PCNX2: variants seen among roughly 807,000 people sequenced by gnomAD.
PCNX2 encodes the protein pecanex-like protein 2.
In PCNX2, 168 loss-of-function variants were observed where a neutral mutation model predicts 223.8. The observed-to-expected ratio is 0.75, with a 90% confidence interval of 0.66 to 0.85. The LOEUF is 0.85. Ranked by LOEUF, PCNX2 falls within the 40% of genes least tolerant of loss-of-function variation. PCNX2 has a pLI of 0.00. For missense variants in PCNX2, 2,507 were observed against 2,675.5 expected (o/e 0.94, Z 1.39); for synonymous variants, 1,006 against 1,052.6 (o/e 0.96, Z 0.86).
At chr1:233,068,696 T>C (rs1207112920) in intron 23 of PCNX2, among the ~76,000 whole-genome samples, 1 of 151,852 alleles carries the variant, frequency 6.6e-6, no homozygotes, top group African/African-American at 2.4e-5. Context: ...GAGCAAACAC[T>C]AAAAGATACA....
chr1:233,177,969 C>T lies in PCNX2; in HGVS notation c.3177-71G>A, dbSNP rs1341311262. The T allele has an allele frequency of 3.3e-6, 4 of 1,222,650 alleles. No homozygotes were observed. In the East Asian group the frequency reaches 7.1e-5, roughly 22 times the overall value. The allele number at this position is 1,222,650 out of a possible 1,614,324, so 75.7% of individuals were successfully genotyped here. ...CAGTGTTTTCGGTAAATAACTTCAC[C>T]TTAGATCTCACACCCACACATGACA... On this transcript the variant is annotated intron_variant, in intron 16 of 33. Transcript: ENST00000258229.
At chr1:233,093,994 C>T (rs1558224371) in intron 22 of PCNX2, among the ~76,000 whole-genome samples, 2 of 152,188 alleles carry the variant, frequency 1.3e-5, no homozygotes, top group African/African-American at 4.8e-5. Context: ...ACCATGTGCT[C>T]ATGTGTGAAC....
At chr1:233,005,552 T>G (rs989316469) in intron 28 of PCNX2, among the ~76,000 whole-genome samples, 12 of 152,196 alleles carry the variant, frequency 7.9e-5, no homozygotes, top group African/African-American at 2.9e-4. Context: ...GAAATGATTC[T>G]CAATGTAGAA....
chr1:233,203,324 A>G (rs980500220), intron 13 of PCNX2, among the ~76,000 whole-genome samples: 1 of 152,216 alleles, frequency 6.6e-6, no homozygotes, highest in Non-Finnish European at 1.5e-5. Flanking sequence ...GTTTTTGCTC[A>G]AGGAAAGTAA....
intron 23 of PCNX2, among the ~76,000 whole-genome samples, chr1:233,063,167 G>C (rs1558196549): frequency 6.6e-6 from 1 of 152,144 alleles, no homozygotes; most frequent in Non-Finnish European, 1.5e-5. Flanking sequence ...AACCTGGGAG[G>C]CGAGGCTGCA....
chr1:233,122,291 A>C (rs1675848773), intron 21 of PCNX2, among the ~76,000 whole-genome samples: 1 of 152,210 alleles, frequency 6.6e-6, no homozygotes, highest in Admixed American at 6.5e-5. Context: ...GAATAAAGAG[A>C]CAAATCTCCC....
At chr1:233,141,746 T>C (rs546777009) in intron 19 of PCNX2, among the ~76,000 whole-genome samples, 10 of 144,702 alleles carry the variant, frequency 6.9e-5, no homozygotes, top group Admixed American at 4.9e-4. Context: ...TATATATATA[T>C]GGGTATATAT....
rs181415733 is a variant in PCNX2 at position 233,250,984 on chromosome 1, A to G, written c.2129-152T>C. The G allele has an allele frequency of 5.8e-4, 241 of 415,778 alleles. 1 individual carries two copies. Among genetic ancestry groups the G allele is most frequent in the African/African-American group, 5.0e-3 (232 of 46,324 alleles). 25.8% of individuals were successfully genotyped at this position (415,778 alleles called of 1,614,324 possible). On this transcript the variant is annotated intron_variant, in intron 7 of 33. Transcript: ENST00000258229. ...GGGTCCATTCTTTATATTTCTGCAC[A>G]GAACATATATCATGAGAAGTTGAAG...
At chr1:233,319,179 G>GC in the PCNX2 span, among the ~76,000 whole-genome samples, 917 of 152,142 alleles carry the variant, frequency 6.0e-3, 19 homozygotes, top group East Asian at 0.064. Context: ...CTGGATTAAT[G>GC]CCCACCATCT....
At chr1:233,283,306 G>A (rs1661281959) in intron 1 of PCNX2, among the ~76,000 whole-genome samples, 1 of 152,162 alleles carries the variant, frequency 6.6e-6, no homozygotes. Flanking sequence ...TTTTAGCTGT[G>A]TCTACTGAAA....
At chr1:232,986,006 G>T in intron 33 of PCNX2, 86 bp downstream of exon 33, 1 of 1,402,526 alleles carries the variant, frequency 7.1e-7, no homozygotes, top group Non-Finnish European at 9.9e-7. Flanking sequence ...GCAGAAGGGT[G>T]GGAACGCAAG....
intron 7 of PCNX2, 174 bp from the exon 8 acceptor site, chr1:233,251,006 G>T: frequency 2.9e-6 from 1 of 350,708 alleles, no homozygotes; most frequent in Non-Finnish European, 4.0e-6. Context: ...ATGAGAAGTT[G>T]AAGGATGTCT....
chr1:233,017,028 T>C lies in PCNX2; in HGVS notation c.4732A>G (p.Ile1578Val), dbSNP rs1337648628. Residue 1578 changes from isoleucine (I) to valine (V), a missense_variant, in exon 27 of 34, where the codon ATT becomes GTT. Physicochemically the swap from Ile to Val is conservative, Grantham distance 29 (BLOSUM62 3). This residue lies in a region of PCNX2 where 1,372 missense variants were observed against 1,509.4 expected (regional missense o/e 0.91). Coordinates refer to ENST00000258229, the MANE Select transcript of PCNX2 (RefSeq NM_014801.4). Reference sequence around the variant, plus strand: ...GGGACGTAGTCATCATCAATGTTAATGTTGAACATTGCAAGGTCACGCTCA... The same window carrying C: ...GGGACGTAGTCATCATCAATGTTAACGTTGAACATTGCAAGGTCACGCTCA... ...YIERDLAMFNINIDDDYVPCL... is the reference protein window; with the variant it reads ...YIERDLAMFNVNIDDDYVPCL... 3 of 1,613,906 alleles carry C rather than the reference T, an allele frequency of 1.9e-6. No homozygotes were observed. Among genetic ancestry groups the C allele is most frequent in the East Asian group, 2.2e-5 (1 of 44,894 alleles).
At chr1:233,060,728 C>A (rs1672375104) in intron 23 of PCNX2, among the ~76,000 whole-genome samples, 1 of 152,222 alleles carries the variant, frequency 6.6e-6, no homozygotes. Context: ...TCAGTGGGAA[C>A]ATGCAATCCT....
chr1:233,102,923 C>T (rs1179186294), intron 21 of PCNX2, among the ~76,000 whole-genome samples: 1 of 152,068 alleles, frequency 6.6e-6, no homozygotes, highest in Non-Finnish European at 1.5e-5. Context: ...TGAGGCCTTA[C>T]TCAATAAATC....
Position 233,252,473 on chromosome 1 carries a change from ATCTG to A in PCNX2, c.2005_2008del (p.Gln669Ter), listed in dbSNP as rs760449523. The A allele has an allele frequency of 6.2e-7, 1 of 1,612,606 alleles. No individual in the cohort carries two copies. Among genetic ancestry groups the A allele is most frequent in the Admixed American group, 1.7e-5 (1 of 59,882 alleles). ...TTGTTGGGAAGTTACCCTGTAGATT[ATCTG>A]TCTTTGTCTATTGCCCTGAAAACTT... On this transcript the variant is annotated frameshift_variant, in exon 7 of 34. Coordinates refer to ENST00000258229, the MANE Select transcript of PCNX2 (RefSeq NM_014801.4). LOFTEE classifies it high-confidence loss of function.
intron 1 of PCNX2, among the ~76,000 whole-genome samples, chr1:233,283,911 G>A (rs978401198): frequency 6.6e-6 from 1 of 152,088 alleles, no homozygotes; most frequent in Admixed American, 6.6e-5. Context: ...GGGAAAATTG[G>A]TAATTTTACA....
chr1:233,160,066 G>A (rs906709965), intron 19 of PCNX2, among the ~76,000 whole-genome samples: 4 of 152,056 alleles, frequency 2.6e-5, no homozygotes, highest in Non-Finnish European at 4.4e-5. Context: ...TGTTATGGTT[G>A]GCTAGAATAT....
chr1:233,172,413 G>A, intron 17 of PCNX2: 3 of 985,400 alleles, frequency 3.0e-6, no homozygotes, highest in Non-Finnish European at 3.6e-6. Context: ...AACTTGTGCT[G>A]CAAATCCATG....
Sources: allele counts gnomAD v4.1 joint callset (sites outside exome capture counted in the v4.1 genomes callset), GRCh38; gene constraint gnomAD v4.1.1; regional missense constraint gnomAD v4.1.1; transcripts MANE v1.5; gene names NCBI Gene and HGNC (gene_info 2026-07-23, HGNC 2026-07-21).